PCSK6: variants seen among roughly 807,000 people sequenced by gnomAD.
PCSK6 encodes paired basic amino acid cleaving enzyme 4.
A neutral mutation model predicts 123.3 loss-of-function variants in PCSK6; 85 were observed. That is an observed-to-expected ratio of 0.69 (90% CI 0.58 to 0.83). The LOEUF is 0.83. Ranked by LOEUF, PCSK6 falls within the 40% of genes least tolerant of loss-of-function variation. PCSK6 has a pLI of 0.00. For synonymous variants in PCSK6, 508 were observed against 516.0 expected, an observed-to-expected ratio of 0.98 and a Z score of 0.21; for missense variants, 1,191 against 1,282.3, an observed-to-expected ratio of 0.93 and a Z score of 1.09.
rs371544916 is a variant in PCSK6, at chr15:101,320,507, G to A, written c.2465+2013C>T. Among the ~76,000 whole-genome samples the A allele has an allele frequency of 1.2e-4, 18 of 152,300 alleles. 1 individual carries two copies. The highest frequency in any genetic ancestry group is 3.4e-3 in the Middle Eastern group (1 of 294). On this transcript the variant is annotated intron_variant, in intron 18 of 21. Coordinates refer to ENST00000611716, the MANE Select transcript of PCSK6 (RefSeq NM_002570.5). ...GTGTTGTATTTTGTGTGTGAGAGTA[G>A]GAGAAAACACTGGTTTTTCCTATCT...
chr15:101,413,197 T>G (rs1049920618), intron 6 of PCSK6, among the ~76,000 whole-genome samples: 1 of 152,326 alleles, frequency 6.6e-6, no homozygotes, highest in Non-Finnish European at 1.5e-5. Flanking sequence ...CAACACTGTC[T>G]GATGTGGTTC....
chr15:101,489,164 C>CT (rs1449214496), intron 1 of PCSK6, among the ~76,000 whole-genome samples: 1 of 88,572 alleles, frequency 1.1e-5, no homozygotes, highest in African/African-American at 4.1e-5. Flanking sequence ...CCCAGTCCCC[C>CT]CCACCCCGCC....
rs562943308 is a variant in PCSK6, at chr15:101,398,776, G to C, written c.824-200C>G. 6.6e-6 allele frequency among the ~76,000 whole-genome samples: 1 copy of C among 152,330 alleles called. No homozygotes were observed. Among genetic ancestry groups the C allele is most frequent in the African/African-American group, 2.4e-5 (1 of 41,570 alleles). Reference sequence around the variant, plus strand: ...AAGAACTCAGGCCAGGGCAACAAAAGAAAGCAAGCTACGTCCCAAAGAGAG... The same window carrying C: ...AAGAACTCAGGCCAGGGCAACAAAACAAAGCAAGCTACGTCCCAAAGAGAG... On this transcript the variant is annotated intron_variant, in intron 6 of 21. Coordinates refer to ENST00000611716, the MANE Select transcript of PCSK6 (RefSeq NM_002570.5). This position sits in a 1 kb window ranked among gnomAD's most constrained non-coding sequence, Gnocchi z 4.6.
chr15:101,342,556 T>C (rs1482667251), intron 13 of PCSK6, among the ~76,000 whole-genome samples: 1 of 152,252 alleles, frequency 6.6e-6, no homozygotes, highest in Non-Finnish European at 1.5e-5. Flanking sequence ...TGAGTGAGAT[T>C]GGCTGAAAAT....
intron 1 of PCSK6, among the ~76,000 whole-genome samples, chr15:101,450,906 G>A (rs1212065816): frequency 5.9e-5 from 9 of 151,990 alleles, no homozygotes; most frequent in Non-Finnish European, 8.8e-5. Context: ...AGGCCTGGCC[G>A]GGCACTCCCT....
intron 9 of PCSK6, among the ~76,000 whole-genome samples, chr15:101,386,685 A>C (rs1028871599): frequency 1.3e-5 from 2 of 152,150 alleles, no homozygotes; most frequent in African/African-American, 4.8e-5. Flanking sequence ...CTTCCTTTCA[A>C]GGCTGAATGT....
chr15:101,364,789 G>T, intron 13 of PCSK6: 1 of 445,930 alleles, frequency 2.2e-6, no homozygotes, highest in East Asian at 3.1e-5. Context: ...TTTTAAAAAA[G>T]AAATGTACAA....
intron 6 of PCSK6, among the ~76,000 whole-genome samples, chr15:101,403,318 GC>G (rs1377144074): frequency 2.7e-4 from 41 of 150,102 alleles, no homozygotes; most frequent in African/African-American, 5.4e-4. Context: ...TATACCTAAT[GC>G]TAAATGACCA....
rs530974874 is a variant in PCSK6 at position 101,322,953 on chromosome 15, G to C, written c.2378-346C>G. Among the ~76,000 whole-genome samples, 241 of 152,328 alleles carry C rather than the reference G, an allele frequency of 1.6e-3. 7 individuals carry two copies. In the South Asian group the frequency reaches 0.048, roughly 30 times the overall value. ...AAAGTGGCCGGGTGTGGGCAGGTGG[G>C]GGGTGGAGAGCCTGAGGCTGCCGCT... On this transcript the variant is annotated intron_variant, in intron 17 of 21. Transcript: ENST00000611716.
chr15:101,483,909 C>T (rs1214778992), intron 1 of PCSK6, among the ~76,000 whole-genome samples: 2 of 152,230 alleles, frequency 1.3e-5, no homozygotes, highest in African/African-American at 4.8e-5. Context: ...CACCTGCCTC[C>T]AGCGGTGGGC....
chr15:101,375,707 C>G (rs546574337), intron 11 of PCSK6, among the ~76,000 whole-genome samples: 8 of 152,250 alleles, frequency 5.3e-5, no homozygotes, highest in Admixed American at 3.3e-4. Context: ...CAAGGCAACA[C>G]CGCCTGTTGG....
intron 13 of PCSK6, 49 bp downstream of exon 13, chr15:101,366,147 A>C (rs2041380634): frequency 1.3e-6 from 2 of 1,565,954 alleles, no homozygotes; most frequent in Non-Finnish European, 1.7e-6. Context: ...AGAGGTAAAA[A>C]GAGGCTTGAG....
At chr15:101,307,110 T>G in intron 21 of PCSK6, 103 bp downstream of exon 21, 2 of 780,556 alleles carry the variant, frequency 2.6e-6, no homozygotes, top group South Asian at 3.1e-5. Flanking sequence ...CGCCTGTCTG[T>G]GGAGCCGCCA....
intron 1 of PCSK6, among the ~76,000 whole-genome samples, chr15:101,484,688 G>A (rs1196910065): frequency 6.6e-6 from 1 of 152,186 alleles, no homozygotes; most frequent in Non-Finnish European, 1.5e-5. Context: ...ACCACGCCCG[G>A]CCTGCTTTGT....
intron 10 of PCSK6, 141 bp downstream of exon 10, chr15:101,384,181 C>A: frequency 6.9e-7 from 1 of 1,456,764 alleles, no homozygotes; most frequent in South Asian, 1.5e-5. Flanking sequence ...TAAATAGCTG[C>A]ACATGCGTTT....
At chr15:101,375,824 C>G (rs1348445800) in intron 11 of PCSK6, among the ~76,000 whole-genome samples, 1 of 152,112 alleles carries the variant, frequency 6.6e-6, no homozygotes, top group Non-Finnish European at 1.5e-5. Context: ...CACTTGAGGT[C>G]AGGAGTTCGA....
intron 1 of PCSK6, among the ~76,000 whole-genome samples, chr15:101,449,142 C>CA (rs2056968196): frequency 6.6e-6 from 1 of 152,086 alleles, no homozygotes; most frequent in South Asian, 2.1e-4. Flanking sequence ...CACAGATGCT[C>CA]AAGTCCCTGA....
intron 1 of PCSK6, among the ~76,000 whole-genome samples, chr15:101,451,760 G>A (rs568108740): frequency 2.6e-5 from 4 of 152,296 alleles, no homozygotes; most frequent in South Asian, 4.1e-4. Flanking sequence ...GTTATATAAT[G>A]TTATTGATCC....
intron 6 of PCSK6, among the ~76,000 whole-genome samples, chr15:101,402,966 G>A (rs542536140): frequency 2.8e-4 from 42 of 152,166 alleles, no homozygotes; most frequent in African/African-American, 7.7e-4. Flanking sequence ...AAAGACACAC[G>A]CACACATATG....
Sources: allele counts gnomAD v4.1 joint callset (sites outside exome capture counted in the v4.1 genomes callset), GRCh38; gene constraint gnomAD v4.1.1; non-coding constraint Gnocchi (gnomAD v3.1); transcripts MANE v1.5; gene names NCBI Gene and HGNC (gene_info 2026-07-23, HGNC 2026-07-21).